LMBRD1: variants seen among roughly 807,000 people sequenced by gnomAD.
The protein encoded by LMBRD1 is lysosomal cobalamin transport escort protein LMBD1.
Under a neutral mutation model 74.8 loss-of-function variants are expected in LMBRD1, and 64 were observed. That is an observed-to-expected ratio of 0.86 (90% confidence interval 0.70 to 1.05). LMBRD1 has a LOEUF of 1.05. Among genes scored for constraint, LMBRD1 ranks in the 50% least tolerant of loss-of-function variants. The pLI, the probability that LMBRD1 is intolerant of heterozygous loss-of-function variation, is 0.00. For synonymous variants in LMBRD1, 204 were observed against 216.3 expected (o/e 0.94, Z 0.50); for missense variants, 652 against 645.9 (o/e 1.01, Z -0.10).
At chr6:69,788,595 T>G (rs1021696301) in intron 2 of LMBRD1, among the ~76,000 whole-genome samples, 14 of 130,394 alleles carry the variant, frequency 1.1e-4, no homozygotes, top group African/African-American at 3.6e-4. Context: ...AATCAACCAT[T>G]TAATTATCTA....
chr6:69,750,712 T>TG (rs1276812988), intron 4 of LMBRD1, among the ~76,000 whole-genome samples: 1 of 152,160 alleles, frequency 6.6e-6, no homozygotes, highest in Non-Finnish European at 1.5e-5. Context: ...ATACATCTCG[T>TG]GGAGATCTTA....
At chr6:69,786,040 A>G (rs369511773) in intron 2 of LMBRD1, among the ~76,000 whole-genome samples, 6 of 152,276 alleles carry the variant, frequency 3.9e-5, no homozygotes, top group African/African-American at 1.4e-4. Context: ...CTAGACTCTC[A>G]TATCAATCTA....
chr6:69,796,540 G>A (rs1221401332), intron 1 of LMBRD1, among the ~76,000 whole-genome samples: 1 of 152,062 alleles, frequency 6.6e-6, no homozygotes, highest in Non-Finnish European at 1.5e-5. Context: ...CGGCCCCATT[G>A]CCCAAGTCAG....
chr6:69,705,540 C>G, intron 9 of LMBRD1: 1 of 1,290,706 alleles, frequency 7.7e-7, no homozygotes, highest in South Asian at 1.2e-5. Context: ...TGAGTCTTTT[C>G]CATTCTGATT....
At chr6:69,771,857 TAGAC>T (rs892390588) in intron 3 of LMBRD1, among the ~76,000 whole-genome samples, 1 of 147,486 alleles carries the variant, frequency 6.8e-6, no homozygotes, top group Non-Finnish European at 1.5e-5. Context: ...AATGGTGTCT[TAGAC>T]AGGATTATAG....
At chr6:69,717,394 T>G (rs1453538130) in intron 8 of LMBRD1, among the ~76,000 whole-genome samples, 3 of 152,200 alleles carry the variant, frequency 2.0e-5, no homozygotes, top group Non-Finnish European at 4.4e-5. Flanking sequence ...CTCCTATATT[T>G]GACGTTAATG....
At chr6:69,737,808 T>G in intron 7 of LMBRD1, 134 bp downstream of exon 7, 2 of 703,164 alleles carry the variant, frequency 2.8e-6, no homozygotes, top group Non-Finnish European at 4.9e-6. Flanking sequence ...TACCCTTAAG[T>G]AAAGAAAACT....
chr6:69,685,881 C>T (rs889585283), intron 14 of LMBRD1, among the ~76,000 whole-genome samples: 7 of 152,044 alleles, frequency 4.6e-5, no homozygotes, highest in South Asian at 2.1e-4. Flanking sequence ...TTGATGCATG[C>T]GAAAGTTTGA....
chr6:69,789,434 C>T (rs545532201), intron 2 of LMBRD1, among the ~76,000 whole-genome samples: 127 of 151,860 alleles, frequency 8.4e-4, no homozygotes, highest in Non-Finnish European at 1.6e-3. Flanking sequence ...GGCTGAGGGA[C>T]GAGAATCGCT....
chr6:69,781,872 A>G (rs1474602382), intron 2 of LMBRD1, among the ~76,000 whole-genome samples: 1 of 152,054 alleles, frequency 6.6e-6, no homozygotes, highest in African/African-American at 2.4e-5. Context: ...CCATTGTGCT[A>G]GGAGGTAGAG....
At chr6:69,791,985 A>G (rs1048702513) in intron 1 of LMBRD1, among the ~76,000 whole-genome samples, 1 of 152,208 alleles carries the variant, frequency 6.6e-6, no homozygotes, top group Non-Finnish European at 1.5e-5. Flanking sequence ...GCTCATTAAC[A>G]TGCTCAATCA....
At position 69,676,432 on chromosome 6, in the gene LMBRD1, TG is replaced by T; in HGVS notation, c.1509+17del. On this transcript the variant is annotated intron_variant, in intron 15 of 15. Coordinates refer to ENST00000649934, the MANE Select transcript of LMBRD1 (RefSeq NM_018368.4). Reference sequence around the variant, plus strand: ...TTATAAAGGAAGGTCAAATCACGCGTGGGATATCTGCACTTACCCCAAGAAA... The same window carrying T: ...TTATAAAGGAAGGTCAAATCACGCGTGGATATCTGCACTTACCCCAAGAAA... 1 of 1,604,666 alleles carries T rather than the reference TG, an allele frequency of 6.2e-7. No homozygotes were observed. The highest frequency in any genetic ancestry group is 8.5e-7 in the Non-Finnish European group (1 of 1,171,714).
intron 6 of LMBRD1, among the ~76,000 whole-genome samples, chr6:69,740,186 G>A (rs1311842565): frequency 2.0e-5 from 3 of 152,120 alleles, no homozygotes; most frequent in African/African-American, 7.2e-5. Flanking sequence ...TGGGATGAGA[G>A]ACGAAAGGAC....
intron 7 of LMBRD1, among the ~76,000 whole-genome samples, chr6:69,725,908 T>C (rs989702999): frequency 6.6e-6 from 1 of 152,140 alleles, no homozygotes; most frequent in Non-Finnish European, 1.5e-5. Flanking sequence ...GCTAAAAAGC[T>C]TCTGCACAGT....
At chr6:69,687,777 A>T (rs1765794707) in intron 14 of LMBRD1, among the ~76,000 whole-genome samples, 1 of 152,170 alleles carries the variant, frequency 6.6e-6, no homozygotes, top group African/African-American at 2.4e-5. Flanking sequence ...TAATCTTATA[A>T]GCTAAATCTA....
chr6:69,714,430 A>T (rs1035116194), intron 8 of LMBRD1, among the ~76,000 whole-genome samples: 1 of 152,162 alleles, frequency 6.6e-6, no homozygotes, highest in Non-Finnish European at 1.5e-5. Flanking sequence ...AACCATGAGC[A>T]GTACCTTTCT....
chr6:69,749,511 C>T, intron 4 of LMBRD1, 103 bp from the exon 5 acceptor site: 1 of 866,300 alleles, frequency 1.2e-6, no homozygotes, highest in Non-Finnish European at 1.9e-6. Context: ...TACATGCTTA[C>T]ACTCAATATT....
chr6:69,786,403 T>C (rs1171626695), intron 2 of LMBRD1, among the ~76,000 whole-genome samples: 1 of 152,068 alleles, frequency 6.6e-6, no homozygotes, highest in Non-Finnish European at 1.5e-5. Flanking sequence ...AATGTTTTCA[T>C]GACATACCTT....
chr6:69,700,385 A>G (rs1766099994), intron 12 of LMBRD1, among the ~76,000 whole-genome samples: 1 of 151,876 alleles, frequency 6.6e-6, no homozygotes. Flanking sequence ...ACTAAGAAAT[A>G]ATATAACTTT....
Sources: allele counts gnomAD v4.1 joint callset (sites outside exome capture counted in the v4.1 genomes callset), GRCh38; gene constraint gnomAD v4.1.1; transcripts MANE v1.5; gene names NCBI Gene and HGNC (gene_info 2026-07-23, HGNC 2026-07-21).